The following FABP7 variants were observed in gnomAD, a reference collection of about 807,000 sequenced individuals.
FABP7 encodes the protein fatty acid binding protein 7, also known as fatty acid-binding protein, brain.
FABP7 carries 13 observed loss-of-function variants against 14.2 expected under a neutral mutation model. The ratio of observed to expected loss-of-function variants is 0.91; its 90% CI spans 0.59 to 1.45. FABP7 has a LOEUF of 1.45. Ranked by LOEUF, FABP7 falls within the 40% of genes most tolerant of loss-of-function variation. The pLI, the probability that FABP7 is intolerant of heterozygous loss-of-function variation, is 0.00. For synonymous variants in FABP7, 49 were observed against 51.4 expected, an observed-to-expected ratio of 0.95 and a Z score of 0.20; for missense variants, 149 against 157.6, an observed-to-expected ratio of 0.95 and a Z score of 0.29.
the FABP7 span, among the ~76,000 whole-genome samples, chr6:122,762,571 T>A: frequency 6.6e-6 from 1 of 152,028 alleles, no homozygotes; most frequent in Admixed American, 6.6e-5. Flanking sequence ...AAATAAAGGG[T>A]ATTCAGTTAG....
chr6:122,783,861 T>A lies in FABP7; in HGVS notation c.*94T>A. On this transcript the variant is annotated 3_prime_UTR_variant, in exon 4 of 4. Coordinates refer to ENST00000368444, the MANE Select transcript of FABP7 (RefSeq NM_001446.5). ...TATTACAACATGGCTGATCATTAAT[T>A]AGAAGGTTATCCTTGGTGTGGAGGT... The A allele has an allele frequency of 9.8e-7, 1 of 1,019,910 alleles. No homozygotes were observed. Among genetic ancestry groups the A allele is most frequent in the Non-Finnish European group, 1.5e-6 (1 of 686,972 alleles). The allele number at this position is 1,019,910 out of a possible 1,614,324, so 63.2% of individuals were successfully genotyped here.
the FABP7 span, among the ~76,000 whole-genome samples, chr6:122,766,929 T>C: frequency 6.6e-6 from 1 of 152,190 alleles, no homozygotes; most frequent in African/African-American, 2.4e-5. Flanking sequence ...AGACTAGATA[T>C]AATATGTTTG....
chr6:122,777,113 C>G (rs987038695), upstream of FABP7, among the ~76,000 whole-genome samples: 8 of 152,150 alleles, frequency 5.3e-5, no homozygotes, highest in Admixed American at 2.0e-4. Context: ...ATGAAGATAT[C>G]TAATACATGG....
At position 122,781,134 on chromosome 6, in the gene FABP7, G is replaced by A. The variant is rs12211883; in HGVS notation, c.288G>A (p.Gln96=). The A allele has an allele frequency of 5.1e-3, 8,234 of 1,613,930 alleles. 28 individuals carry two copies. Among genetic ancestry groups the A allele is most frequent in the South Asian group, 0.017 (1,507 of 91,072 alleles). The part of the protein sequence containing the change: ...SLDGDKLVHI[Q]KWDGKETNFV... Reference sequence around the variant, plus strand: ...ATGGAGACAAACTTGTTCACATACAGAAATGGGATGGCAAAGAAACAAATT... The same window carrying A: ...ATGGAGACAAACTTGTTCACATACAAAAATGGGATGGCAAAGAAACAAATT... Residue 96 remains glutamine, a synonymous_variant, in exon 3 of 4, where the codon CAG becomes CAA. Coordinates refer to ENST00000368444, the MANE Select transcript of FABP7 (RefSeq NM_001446.5).
the FABP7 span, among the ~76,000 whole-genome samples, chr6:122,758,036 C>T: frequency 1.3e-5 from 2 of 151,280 alleles, no homozygotes; most frequent in South Asian, 4.2e-4. Flanking sequence ...TCCATTTTAC[C>T]TTACTGGGCT....
the FABP7 span, among the ~76,000 whole-genome samples, chr6:122,756,788 T>C: frequency 0.27 from 41,381 of 152,158 alleles, 6,463 homozygotes; most frequent in Non-Finnish European, 0.36. Context: ...TCTTTGTCTT[T>C]CCCAACTTCT....
At chr6:122,779,893 C>T (rs1780740243) in intron 1 of FABP7, 26 bp downstream of exon 1, 1 of 1,602,816 alleles carries the variant, frequency 6.2e-7, no homozygotes, top group African/African-American at 1.3e-5. Flanking sequence ...ACCGGCTGTT[C>T]TCTTCTCAAC....
chr6:122,750,898 T>C, the FABP7 span, among the ~76,000 whole-genome samples: 1 of 152,222 alleles, frequency 6.6e-6, no homozygotes, highest in Non-Finnish European at 1.5e-5. Flanking sequence ...GCCTGTTCTT[T>C]TGGACTGCTT....
At chr6:122,752,878 C>A in the FABP7 span, among the ~76,000 whole-genome samples, 1 of 152,168 alleles carries the variant, frequency 6.6e-6, no homozygotes, top group Admixed American at 6.5e-5. Flanking sequence ...ATTAGTCAAG[C>A]TGAGGCTTGC....
At chr6:122,782,087 G>A in intron 3 of FABP7, 3 of 985,220 alleles carry the variant, frequency 3.0e-6, no homozygotes, top group Non-Finnish European at 3.6e-6. Context: ...CTTCTTTCCA[G>A]TTTTTTTCTC....
chr6:122,781,506 G>T (rs1350681868), intron 3 of FABP7: 5 of 1,344,540 alleles, frequency 3.7e-6, no homozygotes, highest in Non-Finnish European at 3.8e-6. Flanking sequence ...AACTATGGAT[G>T]TCTCTCAAAT....
chr6:122,764,964 G>A, the FABP7 span, among the ~76,000 whole-genome samples: 1 of 152,144 alleles, frequency 6.6e-6, no homozygotes, highest in Non-Finnish European at 1.5e-5. Context: ...AGAGTAAATG[G>A]TGTTACCAAG....
At chr6:122,754,394 AAT>A in the FABP7 span, among the ~76,000 whole-genome samples, 1 of 152,164 alleles carries the variant, frequency 6.6e-6, no homozygotes. Context: ...TCCCTATTTC[AAT>A]GGAAGAAATG....
chr6:122,762,224 G>T, the FABP7 span, among the ~76,000 whole-genome samples: 1 of 152,178 alleles, frequency 6.6e-6, no homozygotes, highest in African/African-American at 2.4e-5. Context: ...TGGGATGCAA[G>T]TCTGGTTCAA....
chr6:122,775,699 A>G (rs1780659895), upstream of FABP7, among the ~76,000 whole-genome samples: 1 of 58,446 alleles, frequency 1.7e-5, no homozygotes, highest in African/African-American at 3.0e-5. Flanking sequence ...CAACAACAAC[A>G]ACAACAAAAA....
At chr6:122,764,022 C>T in the FABP7 span, among the ~76,000 whole-genome samples, 2 of 152,156 alleles carry the variant, frequency 1.3e-5, no homozygotes, top group African/African-American at 2.4e-5. Context: ...ACCATTTGAC[C>T]CAGTGATCCC....
At chr6:122,758,004 A>G in the FABP7 span, among the ~76,000 whole-genome samples, 1 of 151,886 alleles carries the variant, frequency 6.6e-6, no homozygotes, top group Non-Finnish European at 1.5e-5. Context: ...TGAACAATGG[A>G]CAGGGGCAGT....
At chr6:122,753,975 C>T in the FABP7 span, among the ~76,000 whole-genome samples, 5 of 152,140 alleles carry the variant, frequency 3.3e-5, no homozygotes, top group East Asian at 1.9e-4. Context: ...CCATCTGCCA[C>T]GCAGAAAAGG....
the FABP7 span, among the ~76,000 whole-genome samples, chr6:122,762,089 A>G: frequency 6.6e-6 from 1 of 152,212 alleles, no homozygotes; most frequent in African/African-American, 2.4e-5. Flanking sequence ...CACAACAAAA[A>G]AAGAGAATTT....
Sources: allele counts gnomAD v4.1 joint callset (sites outside exome capture counted in the v4.1 genomes callset), GRCh38; gene constraint gnomAD v4.1.1; transcripts MANE v1.5; gene names NCBI Gene and HGNC (gene_info 2026-07-23, HGNC 2026-07-21).